The following TBL1Y variants were observed in gnomAD, a reference collection of about 807,000 sequenced individuals.
TBL1Y encodes the protein transducin beta like 1 Y-linked.
Under a neutral mutation model 12.0 loss-of-function variants are expected in TBL1Y, and 15 were observed. The ratio of observed to expected loss-of-function variants is 1.25; its 90% CI spans 0.83 to 1.92. The LOEUF is 1.92. Among genes scored for constraint, TBL1Y ranks in the 40% most tolerant of loss-of-function variants. TBL1Y has a pLI of 0.00. For missense variants in TBL1Y, 148 were observed against 116.7 expected (o/e 1.27, Z -1.24); for synonymous variants, 53 against 42.6 (o/e 1.24, Z -0.95).
Position 7,090,086 on chromosome Y carries a change from C to A in TBL1Y, c.1447-3C>A. On this transcript the variant is annotated splice_polypyrimidine_tract_variant and splice_region_variant and intron_variant, in intron 17 of 18. Transcript: ENST00000383032. ...AGTAATAGTTAGTTACCTTGCCTTG[C>A]AGAGTGGAAGTCTCGTCCACAGCTA... The A allele has an allele frequency of 2.5e-6, 1 of 395,335 alleles. No homozygotes were observed. The highest frequency in any genetic ancestry group is 3.6e-6 in the Non-Finnish European group (1 of 280,889).
intron 2 of TBL1Y, among the ~76,000 whole-genome samples, chrY:6,959,111 T>C (rs985403276): frequency 0.014 from 477 of 33,517 alleles, no homozygotes; most frequent in Non-Finnish European, 0.025. Flanking sequence ...CTGCAGTGCA[T>C]TATGCCCCTG....
chrY:6,948,743 C>G, intron 2 of TBL1Y, among the ~76,000 whole-genome samples: 1 of 30,266 alleles, frequency 3.3e-5, no homozygotes, highest in Non-Finnish European at 7.8e-5. Flanking sequence ...AAAGACAGCT[C>G]TGCCACACTG....
At chrY:7,041,039 C>T (rs1051404261) in intron 6 of TBL1Y, among the ~76,000 whole-genome samples, 1 of 34,137 alleles carries the variant, frequency 2.9e-5, no homozygotes, top group East Asian at 7.8e-4. Flanking sequence ...TTTCAGGAGC[C>T]GTAATCAGCA....
chrY:6,916,865 C>CT (rs2011737989), intron 2 of TBL1Y, among the ~76,000 whole-genome samples: 1 of 34,379 alleles, frequency 2.9e-5, no homozygotes, highest in Non-Finnish European at 7.3e-5. Context: ...ATTTGGGACA[C>CT]TTTTTTCCGT....
intron 8 of TBL1Y, among the ~76,000 whole-genome samples, chrY:7,065,079 G>C (rs2012970010): frequency 3.0e-5 from 1 of 32,970 alleles, no homozygotes; most frequent in South Asian, 7.1e-4. Context: ...TCTCAAAATT[G>C]AGAAAATGGC....
chrY:6,921,884 A>G, intron 2 of TBL1Y, among the ~76,000 whole-genome samples: 1 of 33,383 alleles, frequency 3.0e-5, no homozygotes, highest in African/African-American at 1.2e-4. Flanking sequence ...TGTCACCTGG[A>G]GGGCAATGGT....
At chrY:7,035,925 C>A in intron 6 of TBL1Y, among the ~76,000 whole-genome samples, 1 of 32,785 alleles carries the variant, frequency 3.1e-5, no homozygotes, top group Non-Finnish European at 7.5e-5. Flanking sequence ...TGTACACATA[C>A]CCCAGACCTT....
intron 7 of TBL1Y, among the ~76,000 whole-genome samples, chrY:7,058,418 G>T (rs2012837739): frequency 3.0e-5 from 1 of 33,127 alleles, no homozygotes; most frequent in Non-Finnish European, 7.4e-5. Flanking sequence ...CCCTCAGGGT[G>T]CCAGGCTTTG....
intron 4 of TBL1Y, among the ~76,000 whole-genome samples, chrY:7,020,162 C>T: frequency 3.0e-5 from 1 of 33,452 alleles, no homozygotes; most frequent in Non-Finnish European, 7.4e-5. Context: ...CTCATAGCTT[C>T]GCTGGTAGAC....
intron 2 of TBL1Y, among the ~76,000 whole-genome samples, chrY:6,930,703 A>G: frequency 5.9e-5 from 2 of 33,722 alleles, no homozygotes; most frequent in Non-Finnish European, 1.5e-4. Flanking sequence ...TTGTAAGTGC[A>G]TCAATCAGCA....
intron 2 of TBL1Y, among the ~76,000 whole-genome samples, chrY:6,938,071 T>G: frequency 3.0e-5 from 1 of 33,448 alleles, no homozygotes; most frequent in Admixed American, 2.7e-4. Context: ...ATCATAAGGT[T>G]GTTTACTTTT....
intron 17 of TBL1Y, among the ~76,000 whole-genome samples, chrY:7,088,972 C>T (rs890464368): frequency 6.1e-5 from 2 of 33,020 alleles, no homozygotes; most frequent in Non-Finnish European, 1.5e-4. Context: ...ACCCTTTCTT[C>T]TTTTTTATAA....
intron 14 of TBL1Y, among the ~76,000 whole-genome samples, chrY:7,084,474 G>A: frequency 5.9e-5 from 2 of 33,654 alleles, no homozygotes; most frequent in African/African-American, 2.3e-4. Context: ...ATTTTTAGTA[G>A]AGACGGGGTT....
chrY:7,066,912 G>C (rs780829781), intron 8 of TBL1Y, among the ~76,000 whole-genome samples: 1 of 33,488 alleles, frequency 3.0e-5, no homozygotes, highest in South Asian at 6.6e-4. Flanking sequence ...GGAGTCTACA[G>C]AGAACTGCGA....
intron 14 of TBL1Y, among the ~76,000 whole-genome samples, chrY:7,084,206 T>G (rs2013115917): frequency 6.0e-5 from 2 of 33,606 alleles, no homozygotes; most frequent in Admixed American, 5.3e-4. Flanking sequence ...GGGACCCTAT[T>G]GTCACCCCCC....
In TBL1Y at chrY:6,964,590, A is replaced by G. The variant is rs772510007; in HGVS notation, c.-265-13623A>G. Among the ~76,000 whole-genome samples, 97 of 33,317 alleles carry G rather than the reference A, an allele frequency of 2.9e-3. No individual in the cohort carries two copies. The East Asian group carries it at 0.06, about 21-fold the overall frequency. The allele number at this position is 33,317 out of a possible 37,273, so 89.4% of individuals were successfully genotyped here. On this transcript the variant is annotated intron_variant, in intron 2 of 18. Transcript: ENST00000383032. ...TCTGTACATATTCTTGTACTCCATC[A>G]ATCTACCAGGTTTTAAACTGTAGGA...
chrY:7,075,395 C>G, intron 13 of TBL1Y, among the ~76,000 whole-genome samples: 1 of 33,106 alleles, frequency 3.0e-5, no homozygotes, highest in Non-Finnish European at 7.5e-5. Flanking sequence ...CTTCTGTGGC[C>G]AATCCTGTAC....
Position 7,064,116 on chromosome Y carries a change from G to T in TBL1Y, c.424G>T (p.Val142Leu). The T allele has an allele frequency of 2.5e-6, 1 of 396,725 alleles. No homozygotes were observed. Among genetic ancestry groups the T allele is most frequent in the African/African-American group, 6.4e-5 (1 of 15,698 alleles). The change falls in exon 8 of 19, where the codon GTG becomes TTG. Residue 142 changes from valine to leucine, a missense_variant. By Grantham distance (32) the Val-to-Leu change is conservative (BLOSUM62 1). Transcript: ENST00000383032. Reference sequence around the variant, plus strand: ...TCCTCCAAAGAACCGAGAGGCCACAGTGAACGGGGAAGAGAATGGAGCACA... The same window carrying T: ...TCCTCCAAAGAACCGAGAGGCCACATTGAACGGGGAAGAGAATGGAGCACA... ...QNPPKNREAT[V>L]NGEENGAHEI...
chrY:7,028,580 T>C (rs2012637616), intron 6 of TBL1Y, among the ~76,000 whole-genome samples: 1 of 34,607 alleles, frequency 2.9e-5, no homozygotes, highest in Non-Finnish European at 7.3e-5. Context: ...ATAGGTGGCA[T>C]CTCAAAGCAG....
Sources: gnomAD v4.1 joint callset for allele counts (sites outside exome capture counted in the v4.1 genomes callset) on GRCh38, gnomAD v4.1.1 for gene constraint, MANE v1.5 for transcripts, NCBI Gene and HGNC (gene_info 2026-07-23, HGNC 2026-07-21) for gene names.